Variants in HNRNPA1 observed in about 807,000 individuals in gnomAD.
The protein encoded by HNRNPA1 is heterogeneous nuclear ribonucleoprotein A1.
HNRNPA1 carries 7 observed loss-of-function variants against 44.4 expected under a neutral mutation model. That is an observed-to-expected ratio of 0.16 (90% CI 0.09 to 0.30). The LOEUF (loss-of-function observed/expected upper bound fraction) is 0.30. HNRNPA1 is among the 10% of genes least tolerant of loss of function. The pLI is 1.00. For synonymous variants in HNRNPA1, 169 were observed against 160.6 expected, an observed-to-expected ratio of 1.05 and a Z score of -0.40; for missense variants, 193 against 465.8, an observed-to-expected ratio of 0.41 and a Z score of 5.39.
intron 1 of HNRNPA1, chr12:54,281,127 A>G (rs556841182): frequency 1.1e-5 from 8 of 699,770 alleles, no homozygotes; most frequent in South Asian, 4.5e-5. Context: ...GATTAGTCCC[A>G]TTGTGGAGAT....
chr12:54,282,499 CTTAA>C lies in HNRNPA1; in HGVS notation c.583+18_583+21del. On this transcript the variant is annotated intron_variant, in intron 5 of 10. Transcript: ENST00000340913. Reference sequence around the variant, plus strand: ...TCCAGCCAAAGAGGTATGCTTGTTGCTTAATTAAACCTTAAAGGTAACTTTGAGT... The same window carrying C: ...TCCAGCCAAAGAGGTATGCTTGTTGCTTAAACCTTAAAGGTAACTTTGAGT... 3 of 1,611,720 alleles carry C rather than the reference CTTAA, an allele frequency of 1.9e-6. No homozygotes were observed. Among genetic ancestry groups the C allele is most frequent in the Non-Finnish European group, 2.5e-6 (3 of 1,178,262 alleles).
At chr12:54,284,027 A>G in intron 9 of HNRNPA1, 60 bp downstream of exon 9, 1 of 1,576,764 alleles carries the variant, frequency 6.3e-7, no homozygotes, top group South Asian at 1.1e-5. Context: ...ACTGCTGGGA[A>G]GAAAGCCCTT....
At position 54,281,487 on chromosome 12, in the gene HNRNPA1, G is replaced by A; in HGVS notation, c.117G>A (p.Thr39=). 6.2e-7 allele frequency: 1 copy of A among 1,607,394 alleles called. No individual in the cohort carries two copies. Among genetic ancestry groups the A allele is most frequent in the Non-Finnish European group, 8.5e-7 (1 of 1,175,184 alleles). ...SLRSHFEQWG[T]LTDCVVMRDP... ...GGAGCCATTTTGAGCAATGGGGAAC[G>A]CTCACGGACTGTGTGGTAAGATTTG... Residue 39 remains threonine, a synonymous_variant, in exon 2 of 11, where the codon ACG becomes ACA. Transcript: ENST00000340913.
intron 1 of HNRNPA1, 55 bp downstream of exon 1, chr12:54,280,877 G>C: frequency 6.3e-7 from 1 of 1,591,888 alleles, no homozygotes; most frequent in Non-Finnish European, 8.6e-7. Context: ...TCCTGAATCG[G>C]TAAGATGCTG....
At chr12:54,282,353 C>G (rs1944186896) in intron 4 of HNRNPA1, 41 bp from the exon 5 acceptor site, 3 of 1,609,776 alleles carry the variant, frequency 1.9e-6, no homozygotes, top group Non-Finnish European at 2.6e-6. Flanking sequence ...GTATGGCATT[C>G]TAAACCCTGA....
intron 1 of HNRNPA1, 94 bp from the exon 2 acceptor site, chr12:54,281,292 C>G (rs74638402): frequency 2.6e-6 from 2 of 757,190 alleles, no homozygotes; most frequent in Admixed American, 2.1e-5. Context: ...ACAATAAGTG[C>G]TAGGTACACA....
At chr12:54,280,863 C>G in intron 1 of HNRNPA1, 41 bp downstream of exon 1, 2 of 1,610,326 alleles carry the variant, frequency 1.2e-6, no homozygotes, top group Non-Finnish European at 1.7e-6. Context: ...TTTTCCTCTC[C>G]CTTTCCTGAA....
chr12:54,284,007 G>A (rs765992336), intron 9 of HNRNPA1, 40 bp downstream of exon 9: 4 of 1,597,874 alleles, frequency 2.5e-6, no homozygotes, highest in Admixed American at 1.7e-5. Context: ...TCAAAAGAGT[G>A]TCTGTAGCTA....
intron 10 of HNRNPA1, 69 bp from the exon 11 acceptor site, chr12:54,284,478 CTT>C (rs903541582): frequency 5.3e-6 from 4 of 753,576 alleles, no homozygotes; most frequent in East Asian, 2.7e-5. Context: ...GGGAAACAAA[CTT>C]GATATTGGAT....
rs753413303 is a variant in HNRNPA1 at position 54,282,209 on chromosome 12, G to T, written c.399G>T (p.Val133=). ...DYFEQYGKIE[V]IEIMTDRGSG... ...TTGAACAGTATGGAAAAATTGAAGT[G>T]ATTGAAATCATGACTGACCGAGGCA... Residue 133 remains valine (V), a synonymous_variant, in exon 4 of 11, where the codon GTG becomes GTT. Transcript: ENST00000340913. 3 of 1,606,322 alleles carry T rather than the reference G, an allele frequency of 1.9e-6. No individual in the cohort carries two copies. The East Asian group carries it at 6.7e-5, about 36-fold the overall frequency.
Position 54,286,530 on chromosome 12 carries a change from A to G in HNRNPA1, c.*1986A>G, listed in dbSNP as rs1267504631. On this transcript the variant is annotated 3_prime_UTR_variant, in exon 11 of 11. Transcript: ENST00000340913. ...TCTTCCTTTGACCCATTTCCTTAAA[A>G]TAATGGCTCAAAGTAATAGACTTCC... is the stretch of plus-strand genomic sequence containing the variant. 4 of 152,138 alleles carry G rather than the reference A, an allele frequency of 2.6e-5. No homozygotes were observed. The highest frequency in any genetic ancestry group is 5.9e-5 in the Non-Finnish European group (4 of 68,024). The allele number at this position is 152,138 out of a possible 1,614,324, so 9.4% of individuals were successfully genotyped here.
At chr12:54,284,185 CT>C in intron 9 of HNRNPA1, 72 bp from the exon 10 acceptor site, 1 of 1,520,276 alleles carries the variant, frequency 6.6e-7, no homozygotes, top group Middle Eastern at 1.7e-4. Context: ...TTGAATTTAA[CT>C]TTTATTATCC....
At chr12:54,282,527 G>C (rs78002376) in intron 5 of HNRNPA1, 41 bp downstream of exon 5, 4 of 1,609,906 alleles carry the variant, frequency 2.5e-6, no homozygotes, top group African/African-American at 1.3e-5. Flanking sequence ...GTAACTTTGA[G>C]TTACTCCAGT....
chr12:54,286,841 CAA>C lies in HNRNPA1; in HGVS notation c.*2301_*2302del, dbSNP rs983435667. 6 of 152,124 alleles carry C rather than the reference CAA, an allele frequency of 3.9e-5. No homozygotes were observed. The highest frequency in any genetic ancestry group is 7.3e-5 in the Non-Finnish European group (5 of 68,028). The allele number at this position is 152,124 out of a possible 1,614,324, so 9.4% of individuals were successfully genotyped here. On this transcript the variant is annotated 3_prime_UTR_variant, in exon 11 of 11. Transcript: ENST00000340913. The stretch of plus-strand genomic sequence containing the variant: ...AACACTTCGTAATCTCATCCAATTG[CAA>C]AAAGAGTTATTAGCCAACCAGGTAT...
rs483353036 is a variant in HNRNPA1, at chr12:54,283,956, C to A, written c.1052C>A (p.Pro351Gln). ...GGTGGAGGCCAATACTTTGCAAAAC[C>A]ACGAAACCAAGGTATGGTATCTATG... ...YGGGGQYFAK[P>Q]RNQGGYGGSS... is the part of the protein sequence containing the mutation. The change falls in exon 9 of 11, where the codon CCA becomes CAA. Residue 351 changes from proline to glutamine, a missense_variant. Around this residue, in one of 2 missense-constraint regions of HNRNPA1, gnomAD observed 136 missense variants for 234.4 expected, o/e 0.58. Transcript: ENST00000340913. The A allele has an allele frequency of 2.5e-6, 4 of 1,606,258 alleles. No individual in the cohort carries two copies. In the South Asian group the frequency reaches 4.4e-5, roughly 18 times the overall value.
intron 2 of HNRNPA1, 103 bp downstream of exon 2, chr12:54,281,605 T>G: frequency 9.8e-7 from 1 of 1,018,206 alleles, no homozygotes; most frequent in Non-Finnish European, 1.5e-6. Context: ...AGCATTATAG[T>G]TAGAGCTTTG....
intron 1 of HNRNPA1, 96 bp downstream of exon 1, chr12:54,280,918 T>C (rs1268639473): frequency 2.3e-5 from 31 of 1,369,656 alleles, no homozygotes; most frequent in Non-Finnish European, 3.1e-5. Context: ...CAGCCCATTC[T>C]ACAGTTCCTT....
chr12:54,282,767 G>A, intron 6 of HNRNPA1, 33 bp from the exon 7 acceptor site: 1 of 1,569,486 alleles, frequency 6.4e-7, no homozygotes, highest in Non-Finnish European at 8.7e-7. Flanking sequence ...TTAAGTCCAA[G>A]TCATACTTAA....
intron 8 of HNRNPA1, 84 bp from the exon 9 acceptor site, chr12:54,283,728 C>T (rs571104558): frequency 1.5e-6 from 2 of 1,360,140 alleles, no homozygotes; most frequent in East Asian, 4.6e-5. Flanking sequence ...ATAACTCAAC[C>T]TTATTTTATT....
Sources: allele counts gnomAD v4.1 joint callset, GRCh38; gene constraint gnomAD v4.1.1; regional missense constraint gnomAD v4.1.1; transcripts MANE v1.5; gene names NCBI Gene and HGNC (gene_info 2026-07-23, HGNC 2026-07-21).